The following SCN7A variants were observed in gnomAD, a reference collection of about 807,000 sequenced individuals.
SCN7A encodes sodium voltage-gated channel alpha subunit 7.
In SCN7A, 138 loss-of-function variants were observed where a neutral mutation model predicts 155.2. The ratio of observed to expected loss-of-function variants is 0.89; its 90% confidence interval spans 0.77 to 1.02. The LOEUF (loss-of-function observed/expected upper bound fraction) is 1.02. SCN7A is among the 50% of genes least tolerant of loss of function. SCN7A has a pLI of 0.00. For synonymous variants in SCN7A, 693 were observed against 649.0 expected (o/e 1.07, Z -1.03); for missense variants, 2,058 against 1,986.6 (o/e 1.04, Z -0.68).
chr2:166,463,822 A>G (rs1702464968), intron 9 of SCN7A, among the ~76,000 whole-genome samples: 1 of 152,112 alleles, frequency 6.6e-6, no homozygotes, highest in South Asian at 2.1e-4. Flanking sequence ...TTGGGAGGCC[A>G]CGGTGGGTGG....
At chr2:166,454,415 A>C (rs11680374) in intron 11 of SCN7A, among the ~76,000 whole-genome samples, 1 of 152,084 alleles carries the variant, frequency 6.6e-6, no homozygotes, top group African/African-American at 2.4e-5. Context: ...GTAGCTATAG[A>C]GTCATTCAGT....
chr2:166,462,217 G>T (rs570571455), intron 10 of SCN7A, 172 bp downstream of exon 10: 1 of 604,626 alleles, frequency 1.7e-6, no homozygotes, highest in Non-Finnish European at 2.7e-6. Context: ...AATACACCTG[G>T]CAATGTGGCC....
At chr2:166,407,717 TG>T (rs1559083715) in intron 25 of SCN7A, among the ~76,000 whole-genome samples, 2 of 151,906 alleles carry the variant, frequency 1.3e-5, no homozygotes, top group South Asian at 2.1e-4. Flanking sequence ...GTCTCTTTTT[TG>T]GGGGGAAGTT....
At chr2:166,430,430 T>C (rs1460998598) in intron 16 of SCN7A, among the ~76,000 whole-genome samples, 1 of 151,946 alleles carries the variant, frequency 6.6e-6, no homozygotes, top group Non-Finnish European at 1.5e-5. Flanking sequence ...GCAATATATT[T>C]ATTTGAGACT....
Position 166,462,475 on chromosome 2 carries a change from A to G in SCN7A, c.997T>C (p.Phe333Leu). 6.2e-7 allele frequency: 1 copy of G among 1,613,808 alleles called. No individual in the cohort carries two copies. Among genetic ancestry groups the G allele is most frequent in the South Asian group, 1.1e-5 (1 of 91,014 alleles). Residue 333 changes from phenylalanine (F) to leucine (L), a missense_variant, in exon 10 of 26, where the codon TTC becomes CTC. Transcript: ENST00000643258. ...VKAGINPDQG[F>L]TNFDSFGWAL... ...CAGCCAAAACTGTCAAAATTTGTGA[A>G]GCCTTGATCAGGATTTATGCCAGCT...
rs571056600 is a variant in SCN7A, at chr2:166,444,265, A to G, written c.1626+497T>C. ...GAATATGTTTTGTCTTTTGCATTGT[A>G]TGTGAAAAAGGACTGGTGAATCTCA... is the stretch of plus-strand genomic sequence containing the variant. On this transcript the variant is annotated intron_variant, in intron 13 of 25. Transcript: ENST00000643258. Among the ~76,000 whole-genome samples, 9 of 152,322 alleles carry G rather than the reference A, an allele frequency of 5.9e-5. 1 individual carries two copies. In the East Asian group the frequency reaches 1.5e-3, roughly 26 times the overall value.
In SCN7A at chr2:166,477,614, G is replaced by A; in HGVS notation, c.83C>T (p.Thr28Ile). The change falls in exon 3 of 26, where the codon ACA becomes ATA. Residue 28 changes from threonine to isoleucine, a missense_variant. By Grantham distance (89) the Thr-to-Ile change is moderately conservative (BLOSUM62 -1). Transcript: ENST00000643258. The part of the protein sequence containing the change: ...FELIKQHIAK[T>I]HNEDHEEEDL... ...TTCTTCTTCATGGTCTTCATTATGTGTTTTAGCAATATGCTGTTTTATAAG... is the reference window on the plus strand; with the variant it reads ...TTCTTCTTCATGGTCTTCATTATGTATTTTAGCAATATGCTGTTTTATAAG... 1 of 1,602,812 alleles carries A rather than the reference G, an allele frequency of 6.2e-7. No homozygotes were observed. Among genetic ancestry groups the A allele is most frequent in the Non-Finnish European group, 8.5e-7 (1 of 1,173,626 alleles).
intron 9 of SCN7A, among the ~76,000 whole-genome samples, chr2:166,463,075 G>A (rs1702450044): frequency 6.6e-6 from 1 of 152,274 alleles, no homozygotes; most frequent in South Asian, 2.1e-4. Flanking sequence ...TGATACAACT[G>A]CAATGGTTGA....
chr2:166,414,150 AATAT>A (rs1215077691), intron 21 of SCN7A, among the ~76,000 whole-genome samples: 3 of 56,670 alleles, frequency 5.3e-5, no homozygotes, highest in East Asian at 5.1e-4. Context: ...AATATATATA[AATAT>A]ATATAATATA....
intron 4 of SCN7A, 24 bp downstream of exon 4, chr2:166,474,202 C>A: frequency 1.7e-6 from 2 of 1,148,158 alleles, no homozygotes; most frequent in South Asian, 1.7e-5. Context: ...AGTTTAAAGT[C>A]AACAAGTCAA....
intron 1 of SCN7A, among the ~76,000 whole-genome samples, chr2:166,491,232 T>A (rs1008868455): frequency 3.9e-5 from 6 of 152,166 alleles, no homozygotes; most frequent in African/African-American, 9.7e-5. Context: ...ACCTTTCTAA[T>A]CATAATTTCC....
intron 11 of SCN7A, among the ~76,000 whole-genome samples, chr2:166,450,442 T>C (rs570992893): frequency 6.6e-6 from 1 of 151,984 alleles, no homozygotes; most frequent in African/African-American, 2.4e-5. Context: ...CGCCTGCACA[T>C]GTACCCTCGA....
At chr2:166,452,201 TG>T (rs1702189244) in intron 11 of SCN7A, among the ~76,000 whole-genome samples, 1 of 152,048 alleles carries the variant, frequency 6.6e-6, no homozygotes. Context: ...TTAAAGATTC[TG>T]GGTTGTTTAT....
chr2:166,479,524 T>A (rs1046807294), intron 2 of SCN7A, among the ~76,000 whole-genome samples: 1 of 152,130 alleles, frequency 6.6e-6, no homozygotes, highest in Non-Finnish European at 1.5e-5. Context: ...AATCAAGTTT[T>A]CTGGGTTTTG....
chr2:166,416,888 T>C lies in SCN7A; in HGVS notation c.3233A>G (p.Asp1078Gly), dbSNP rs750000993. Residue 1078 changes from aspartate (D) to glycine (G), a missense_variant, in exon 21 of 26, where the codon GAC (aspartate) becomes GGC (glycine). Asp to Gly is a moderately conservative substitution (Grantham distance 94). Coordinates refer to ENST00000643258, the MANE Select transcript of SCN7A (RefSeq NM_002976.4). ...TTCATAGAATCTGCCAGCAAATAAG[T>C]CTACTCCCATGATACTAAAAATCAG... The part of the protein sequence containing the change: ...IWLIFSIMGV[D>G]LFAGRFYECI... 3.7e-6 allele frequency: 6 copies of C among 1,613,216 alleles called. No individual in the cohort carries two copies. In the African/African-American group the frequency reaches 6.7e-5, roughly 18 times the overall value.
chr2:166,405,687 T>C lies in SCN7A; in HGVS notation c.4942A>G (p.Thr1648Ala). 6.2e-7 allele frequency: 1 copy of C among 1,612,934 alleles called. No homozygotes were observed. Among genetic ancestry groups the C allele is most frequent in the Non-Finnish European group, 8.5e-7 (1 of 1,179,236 alleles). Residue 1648 changes from threonine (T) to alanine (A), a missense_variant, in exon 26 of 26, where the codon ACA (threonine) becomes GCA (alanine). Physicochemically the swap from Thr to Ala is moderately conservative, Grantham distance 58. Coordinates refer to ENST00000643258, the MANE Select transcript of SCN7A (RefSeq NM_002976.4). ...NYRLRRNDKN[T>A]SDIHMIDGDR... The stretch of plus-strand genomic sequence containing the variant: ...CCATCTATCATATGAATATCTGATG[T>C]ATTTTTGTCATTTCGCCTCAAGCGG...
In SCN7A at chr2:166,472,449, C is replaced by T. The variant is rs1702681520; in HGVS notation, c.444-4G>A. 6.3e-7 allele frequency: 1 copy of T among 1,586,518 alleles called. No homozygotes were observed. The highest frequency in any genetic ancestry group is 1.1e-5 in the South Asian group (1 of 88,214). On this transcript the variant is annotated splice_polypyrimidine_tract_variant and splice_region_variant and intron_variant, in intron 5 of 25. Coordinates refer to ENST00000643258, the MANE Select transcript of SCN7A (RefSeq NM_002976.4). ...GTAAATTCCAAGCAAAGTATTCCTG[C>T]AGAAATTTTTTCATATAAATATTAT...
At chr2:166,421,546 G>A (rs1297572954) in intron 19 of SCN7A, among the ~76,000 whole-genome samples, 3 of 151,918 alleles carry the variant, frequency 2.0e-5, no homozygotes, top group Non-Finnish European at 4.4e-5. Flanking sequence ...ACATATTTTA[G>A]TGAGATAAAT....
At chr2:166,446,321 C>T (rs1168347914) in intron 12 of SCN7A, among the ~76,000 whole-genome samples, 3 of 152,058 alleles carry the variant, frequency 2.0e-5, no homozygotes, top group Non-Finnish European at 4.4e-5. Flanking sequence ...CACAATGAGA[C>T]ACCATTTCAC....
Sources: allele counts gnomAD v4.1 joint callset (sites outside exome capture counted in the v4.1 genomes callset), GRCh38; gene constraint gnomAD v4.1.1; transcripts MANE v1.5; gene names NCBI Gene and HGNC (gene_info 2026-07-23, HGNC 2026-07-21).